MICAL3: variants seen among roughly 807,000 people sequenced by gnomAD.
The protein encoded by MICAL3 is microtubule associated monooxygenase, calponin and LIM domain containing 3, also known as [F-actin]-monooxygenase MICAL3.
A neutral mutation model predicts 207.4 loss-of-function variants in MICAL3; 62 were observed. The observed-to-expected ratio is 0.30, with a 90% CI of 0.24 to 0.37. MICAL3 has a LOEUF of 0.37. MICAL3 is among the 10% of genes least tolerant of loss of function. The pLI is 1.00. For synonymous variants in MICAL3, 1,077 were observed against 1,069.3 expected (o/e 1.01, Z -0.14); for missense variants, 2,368 against 2,635.6 (o/e 0.90, Z 2.22).
At chr22:17,883,984 G>C (rs1929644587) in intron 16 of MICAL3, among the ~76,000 whole-genome samples, 1 of 152,186 alleles carries the variant, frequency 6.6e-6, no homozygotes, top group African/African-American at 2.4e-5. Flanking sequence ...GCAAACCCAA[G>C]AGCGCGGGTA....
At chr22:17,838,955 CTTTTTTTTTTTTTT>C (rs869097812) in intron 20 of MICAL3, among the ~76,000 whole-genome samples, 8 of 88,440 alleles carry the variant, frequency 9.0e-5, no homozygotes, top group South Asian at 8.0e-4. Flanking sequence ...CCCCTAGATG[CTTTTTTTTTTTTTT>C]TTTTTTTTTT....
Position 17,821,450 on chromosome 22 carries a change from G to A in MICAL3, c.3508C>T (p.Pro1170Ser). 6.5e-7 allele frequency: 1 copy of A among 1,545,542 alleles called. No homozygotes were observed. Among genetic ancestry groups the A allele is most frequent in the Non-Finnish European group, 8.7e-7 (1 of 1,145,480 alleles). ...ACCTCTGTTGAGGGGCTGTGGACTG[G>A]AATGAACAGAAGAGCTGATTCCTGG... ...SPQESALLFI[P>S]VHSPSTEGPQ... Residue 1170 changes from proline to serine, a missense_variant, in exon 25 of 32, where the codon CCA (proline) becomes TCA (serine). Physicochemically the swap from Pro to Ser is moderately conservative, Grantham distance 74 (BLOSUM62 -1). Transcript: ENST00000441493.
intron 19 of MICAL3, among the ~76,000 whole-genome samples, chr22:17,859,292 A>T (rs1041086819): frequency 2.0e-5 from 3 of 152,224 alleles, no homozygotes; most frequent in Non-Finnish European, 4.4e-5. Context: ...GAGCTGCTTC[A>T]GGGGGACGGA....
intron 16 of MICAL3, among the ~76,000 whole-genome samples, chr22:17,879,133 A>C (rs1929174950): frequency 6.6e-6 from 1 of 152,182 alleles, no homozygotes; most frequent in Admixed American, 6.5e-5. Flanking sequence ...TCCCATCTGA[A>C]TGCCAGATGG....
chr22:17,892,330 A>G lies in MICAL3; in HGVS notation c.1547-698T>C, dbSNP rs73386373. Among the ~76,000 whole-genome samples the G allele has an allele frequency of 9.4e-3, 1,435 of 152,288 alleles. 23 individuals are homozygous for G. Among genetic ancestry groups the G allele is most frequent in the African/African-American group, 0.033 (1,381 of 41,544 alleles). On this transcript the variant is annotated intron_variant, in intron 11 of 31. Transcript: ENST00000441493. ...TCTAAAACCCGAACAGCCTCTTTAA[A>G]AATCCTATTATTAATCACATCAGAA...
At chr22:17,814,869 T>G (rs553712136) in intron 27 of MICAL3, 1 of 147,860 alleles carries the variant, frequency 6.8e-6, no homozygotes, top group South Asian at 2.2e-4. Context: ...AGCTCGACTG[T>G]CCCCTAGGTC....
intron 1 of MICAL3, among the ~76,000 whole-genome samples, chr22:17,948,466 C>G (rs1342127976): frequency 3.9e-5 from 6 of 152,170 alleles, no homozygotes; most frequent in Non-Finnish European, 7.3e-5. Context: ...TCCTCCCCTC[C>G]CCAGTCCTCA....
chr22:17,913,629 T>A (rs541846454), intron 1 of MICAL3, among the ~76,000 whole-genome samples: 1 of 152,094 alleles, frequency 6.6e-6, no homozygotes, highest in Non-Finnish European at 1.5e-5. Flanking sequence ...CAGACCCAGA[T>A]AGCCTCTGGG....
intron 1 of MICAL3, among the ~76,000 whole-genome samples, chr22:17,922,527 T>C (rs1932824811): frequency 6.6e-6 from 1 of 152,128 alleles, no homozygotes; most frequent in Non-Finnish European, 1.5e-5. Context: ...CTGTTCACAT[T>C]CCAGGATGAT....
chr22:18,011,873 C>T (rs1165221521), intron 1 of MICAL3, among the ~76,000 whole-genome samples: 2 of 150,552 alleles, frequency 1.3e-5, no homozygotes, highest in African/African-American at 4.9e-5. Flanking sequence ...GCCTGGGCGA[C>T]GGAGCGAGAC....
At chr22:17,969,736 C>T (rs376015884) in intron 1 of MICAL3, among the ~76,000 whole-genome samples, 2 of 152,180 alleles carry the variant, frequency 1.3e-5, no homozygotes, top group African/African-American at 4.8e-5. Context: ...GAGAAGCAGC[C>T]GATGCTGCTA....
At chr22:17,862,679 G>A in intron 19 of MICAL3, 4 of 985,426 alleles carry the variant, frequency 4.1e-6, no homozygotes, top group Non-Finnish European at 3.6e-6. Context: ...TTTCATGCCA[G>A]CCATAAAATA....
At chr22:17,886,606 ACCAGCCTGG>A (rs1444928094) in intron 15 of MICAL3, among the ~76,000 whole-genome samples, 1 of 152,032 alleles carries the variant, frequency 6.6e-6, no homozygotes, top group Non-Finnish European at 1.5e-5. Flanking sequence ...GGAGTTCGAG[ACCAGCCTGG>A]CCAGCATGGT....
chr22:17,994,523 G>A (rs929069244), intron 1 of MICAL3, among the ~76,000 whole-genome samples: 3 of 152,144 alleles, frequency 2.0e-5, no homozygotes, highest in African/African-American at 7.2e-5. Flanking sequence ...GACCAGACTG[G>A]GCAACACAGA....
chr22:17,834,222 T>C, intron 20 of MICAL3: 1 of 1,088,748 alleles, frequency 9.2e-7, no homozygotes, highest in Middle Eastern at 4.4e-4. Flanking sequence ...GTTTGCTCAA[T>C]GACACATTCA....
At chr22:17,917,300 C>G (rs910877213) in intron 1 of MICAL3, among the ~76,000 whole-genome samples, 4 of 152,180 alleles carry the variant, frequency 2.6e-5, no homozygotes, top group Admixed American at 2.6e-4. Flanking sequence ...ATGCCGCTCG[C>G]CAGAGCCTGT....
intron 1 of MICAL3, among the ~76,000 whole-genome samples, chr22:17,964,753 C>T (rs1219873261): frequency 1.3e-5 from 2 of 152,172 alleles, no homozygotes; most frequent in Non-Finnish European, 2.9e-5. Context: ...GAAAGTAACT[C>T]TCACTTCAAC....
rs917682424 is a variant in MICAL3, at chr22:17,889,112, C to T, written c.1813G>A (p.Gly605Arg). 6.2e-7 allele frequency: 1 copy of T among 1,613,698 alleles called. No homozygotes were observed. Among genetic ancestry groups the T allele is most frequent in the African/African-American group, 1.3e-5 (1 of 74,896 alleles). Residue 605 changes from glycine to arginine, a missense_variant, in exon 13 of 32, where the codon GGG becomes AGG. Around this residue, in one of 4 missense-constraint regions of MICAL3, gnomAD observed 51 missense variants for 87.8 expected, o/e 0.58. Coordinates refer to ENST00000441493, the MANE Select transcript of MICAL3 (RefSeq NM_015241.3). ...ACCATGGACAGCTTATCAGGCTCCC[C>T]CACGGAGGCCATTTCTTTGCCTGTC... ...IMTGKEMASV[G>R]EPDKLSMVMY...
intron 26 of MICAL3, 46 bp downstream of exon 26, chr22:17,817,265 G>A (rs28705138): frequency 3.2e-5 from 48 of 1,521,546 alleles, no homozygotes; most frequent in Admixed American, 1.0e-4. Context: ...AGCCCCTCCC[G>A]CACCCCTCCC....
Sources: allele counts gnomAD v4.1 joint callset (sites outside exome capture counted in the v4.1 genomes callset), GRCh38; gene constraint gnomAD v4.1.1; regional missense constraint gnomAD v4.1.1; transcripts MANE v1.5; gene names NCBI Gene and HGNC (gene_info 2026-07-23, HGNC 2026-07-21).